The following HUWE1 variants were observed in gnomAD, a reference collection of about 807,000 sequenced individuals.
HUWE1 encodes HECT, UBA and WWE domain containing E3 ubiquitin protein ligase 1.
In HUWE1, 18 loss-of-function variants were observed where a neutral mutation model predicts 299.4. The ratio of observed to expected loss-of-function variants is 0.06; its 90% confidence interval spans 0.04 to 0.09. The LOEUF is 0.09. Ranked by LOEUF, HUWE1 falls within the 10% of genes least tolerant of loss-of-function variation. The pLI is 1.00. For synonymous variants in HUWE1, 1,317 were observed against 1,286.1 expected, an observed-to-expected ratio of 1.02 and a Z score of -0.51; for missense variants, 1,832 against 3,462.3, an observed-to-expected ratio of 0.53 and a Z score of 11.82.
chrX:53,563,837 A>G lies in HUWE1; in HGVS notation c.7030-16T>C, dbSNP rs782444715. The stretch of plus-strand genomic sequence containing the variant: ...CATTCTCAACCTGGAGAGAAATAGA[A>G]CATATATATGGATGCACACAAGTCT... On this transcript the variant is annotated splice_polypyrimidine_tract_variant and intron_variant, in intron 51 of 83. Transcript: ENST00000262854. 8.3e-7 allele frequency: 1 copy of G among 1,203,175 alleles called. No individual in the cohort carries two copies. The highest frequency in any genetic ancestry group is 1.1e-6 in the Non-Finnish European group (1 of 890,727).
intron 73 of HUWE1, chrX:53,542,848 TG>T (rs1569414148): frequency 2.0e-4 from 7 of 34,666 alleles, no homozygotes; most frequent in East Asian, 1.3e-3. Flanking sequence ...TCTTCTGTTG[TG>T]TGTGTGTGTG....
rs782157393 is a variant in HUWE1 at position 53,583,555 on chromosome X, C to T, written c.5520+3G>A. 8.7e-7 allele frequency: 1 copy of T among 1,153,689 alleles called. No individual in the cohort carries two copies. The highest frequency in any genetic ancestry group is 1.2e-6 in the Non-Finnish European group (1 of 844,095). On this transcript the variant is annotated splice_donor_region_variant and intron_variant, in intron 42 of 83. Transcript: ENST00000262854. ...ACCAGAATCTGATACAAAACACACT[C>T]ACCTTTTCCATGGTATGACGAAGGG... is the stretch of plus-strand genomic sequence containing the variant.
rs1422354439 is a variant in HUWE1, at chrX:53,559,536, T to C, written c.7737-4A>G. On this transcript the variant is annotated splice_polypyrimidine_tract_variant and splice_region_variant and intron_variant, in intron 56 of 83. Transcript: ENST00000262854. ...AGCAGCTGAGGGACCAAGCAACCTGTAGGGTAATGGTGGGTACCATGATCA... is the reference window on the plus strand; with the variant it reads ...AGCAGCTGAGGGACCAAGCAACCTGCAGGGTAATGGTGGGTACCATGATCA... 12 of 1,206,875 alleles carry C rather than the reference T, an allele frequency of 9.9e-6. No homozygotes were observed. Among genetic ancestry groups the C allele is most frequent in the South Asian group, 1.8e-5 (1 of 56,400 alleles).
At chrX:53,664,499 C>G (rs1274032974) in intron 3 of HUWE1, among the ~76,000 whole-genome samples, 1 of 111,567 alleles carries the variant, frequency 9.0e-6, no homozygotes, top group African/African-American at 3.3e-5. Flanking sequence ...TGGAGCTTGG[C>G]ACACAGGAGG....
At chrX:53,549,837 C>T (rs2061695212) in intron 66 of HUWE1, among the ~76,000 whole-genome samples, 3 of 108,963 alleles carry the variant, frequency 2.8e-5, no homozygotes, top group Non-Finnish European at 5.7e-5. Context: ...CTGCAACCTC[C>T]ACCCCCTAGG....
chrX:53,580,256 T>C (rs782034026), intron 43 of HUWE1, among the ~76,000 whole-genome samples: 25 of 112,190 alleles, frequency 2.2e-4, no homozygotes, highest in Non-Finnish European at 4.1e-4. Flanking sequence ...CCAAATCTTT[T>C]ATCTGGATCC....
rs782418974 is a variant in HUWE1 at position 53,586,916 on chromosome X, G to A, written c.4615-7C>T. 1 of 1,210,245 alleles carries A rather than the reference G, an allele frequency of 8.3e-7. No homozygotes were observed. The highest frequency in any genetic ancestry group is 1.8e-5 in the South Asian group (1 of 56,904). On this transcript the variant is annotated splice_polypyrimidine_tract_variant and splice_region_variant and intron_variant, in intron 37 of 83. Coordinates refer to ENST00000262854, the MANE Select transcript of HUWE1 (RefSeq NM_031407.7). ...CACAAGGTAGCTTCAACTCCTGATAGATCAAAGGGAAAAAACAACAACAAC... is the reference window on the plus strand; with the variant it reads ...CACAAGGTAGCTTCAACTCCTGATAAATCAAAGGGAAAAAACAACAACAAC...
intron 7 of HUWE1, among the ~76,000 whole-genome samples, chrX:53,643,512 G>C (rs1374900301): frequency 9.0e-6 from 1 of 111,081 alleles, no homozygotes; most frequent in Admixed American, 9.5e-5. Flanking sequence ...ACCACGTCCA[G>C]CTAATTTTTG....
chrX:53,533,827 C>T (rs2060877864), intron 83 of HUWE1, 180 bp downstream of exon 83: 1 of 498,200 alleles, frequency 2.0e-6, no homozygotes, highest in South Asian at 2.8e-5. Context: ...TCCCCAGCCC[C>T]CACTGTGTCT....
At position 53,547,281 on chromosome X, in the gene HUWE1, C is replaced by T. The variant is rs150870649; in HGVS notation, c.10636+392G>A. 1.9e-4 allele frequency among the ~76,000 whole-genome samples: 21 copies of T among 112,082 alleles called. No individual in the cohort carries two copies. The East Asian group carries it at 4.5e-3, about 24-fold the overall frequency. ...ACTCTGAATCACACTGTATCCTGCC[C>T]GCCCTTGAACTATTTCCCATGAGAA... On this transcript the variant is annotated intron_variant, in intron 68 of 83. Coordinates refer to ENST00000262854, the MANE Select transcript of HUWE1 (RefSeq NM_031407.7).
intron 29 of HUWE1, among the ~76,000 whole-genome samples, chrX:53,596,841 G>A (rs1275013286): frequency 8.9e-6 from 1 of 112,430 alleles, no homozygotes; most frequent in Non-Finnish European, 1.9e-5. Flanking sequence ...TGAATTATTT[G>A]ATATGGATTG....
chrX:53,683,256 G>A (rs1306851913), intron 2 of HUWE1, among the ~76,000 whole-genome samples: 1 of 110,939 alleles, frequency 9.0e-6, no homozygotes, highest in African/African-American at 3.3e-5. Context: ...GATTAGATGG[G>A]ACGACAGAAT....
intron 4 of HUWE1, among the ~76,000 whole-genome samples, chrX:53,648,550 C>CAAAAAA (rs1272859181): frequency 7.3e-5 from 7 of 96,363 alleles, no homozygotes; most frequent in African/African-American, 3.0e-4. Context: ...CAAAAAAAAA[C>CAAAAAA]AAAAAACAAA....
chrX:53,543,588 T>C, intron 73 of HUWE1: 3 of 397,872 alleles, frequency 7.5e-6, no homozygotes, highest in Non-Finnish European at 1.3e-5. Flanking sequence ...ATCAGGCAGT[T>C]TGCAAAAGCG....
chrX:53,653,927 T>G (rs1431207943), intron 4 of HUWE1, 136 bp downstream of exon 4: 2 of 484,635 alleles, frequency 4.1e-6, no homozygotes, highest in African/African-American at 4.8e-5. Flanking sequence ...TCTTACTGTT[T>G]CTAGACAAGT....
At chrX:53,586,105 CCTTTT>C (rs2063844456) in intron 39 of HUWE1, among the ~76,000 whole-genome samples, 2 of 112,356 alleles carry the variant, frequency 1.8e-5, no homozygotes, top group Non-Finnish European at 3.8e-5. Flanking sequence ...TTTCTACTTT[CCTTTT>C]GTTTCTACTG....
In HUWE1 at chrX:53,616,221, T is replaced by A. The variant is rs188526384; in HGVS notation, c.1958-386A>T. On this transcript the variant is annotated intron_variant, in intron 21 of 83. Coordinates refer to ENST00000262854, the MANE Select transcript of HUWE1 (RefSeq NM_031407.7). The stretch of plus-strand genomic sequence containing the variant: ...CCAGGCCAGGCTGTTGTGATATTTT[T>A]TTCCTATTTTTTTTTTTTGGTTGTG... 3.6e-4 allele frequency among the ~76,000 whole-genome samples: 40 copies of A among 110,827 alleles called. 1 individual carries two copies. The highest frequency in any genetic ancestry group is 4.6e-3 in the Middle Eastern group (1 of 216).
chrX:53,636,703 C>T (rs1334520985), intron 7 of HUWE1, among the ~76,000 whole-genome samples: 1 of 112,058 alleles, frequency 8.9e-6, no homozygotes, highest in East Asian at 2.8e-4. Flanking sequence ...GCCTGGGCAA[C>T]AGAGTGAGAC....
chrX:53,579,015 G>A (rs1477425794), intron 43 of HUWE1, among the ~76,000 whole-genome samples: 9 of 67,884 alleles, frequency 1.3e-4, no homozygotes, highest in Non-Finnish European at 2.2e-4. Context: ...CAGCCGCCCC[G>A]TCCGGGAGGG....
Sources: gnomAD v4.1 joint callset for allele counts (sites outside exome capture counted in the v4.1 genomes callset) on GRCh38, gnomAD v4.1.1 for gene constraint, MANE v1.5 for transcripts, NCBI Gene and HGNC (gene_info 2026-07-23, HGNC 2026-07-21) for gene names.